THSD7A: variants seen among roughly 807,000 people sequenced by gnomAD.
THSD7A encodes the protein thrombospondin type-1 domain-containing protein 7A.
In THSD7A, 96 loss-of-function variants were observed where a neutral mutation model predicts 231.3. The observed-to-expected ratio is 0.41, with a 90% CI of 0.35 to 0.49. THSD7A has a LOEUF of 0.49. Among genes scored for constraint, THSD7A ranks in the 20% least tolerant of loss-of-function variants. The probability of loss-of-function intolerance (pLI) is 0.05; values close to 1 mark genes in which losing one functional copy is unlikely to be tolerated. For synonymous variants in THSD7A, 940 were observed against 743.3 expected, an observed-to-expected ratio of 1.26 and a Z score of -4.30; for missense variants, 2,290 against 2,070.2, an observed-to-expected ratio of 1.11 and a Z score of -2.06.
chr7:11,616,150 T>C (rs1781096462), intron 2 of THSD7A, among the ~76,000 whole-genome samples: 2 of 152,194 alleles, frequency 1.3e-5, no homozygotes, highest in Admixed American at 1.3e-4. Flanking sequence ...TTCTAATCCC[T>C]TAATTTTTAT....
At chr7:11,554,435 T>C (rs919410923) in intron 4 of THSD7A, among the ~76,000 whole-genome samples, 10 of 152,092 alleles carry the variant, frequency 6.6e-5, no homozygotes, top group African/African-American at 2.4e-4. Flanking sequence ...AAGTATAATG[T>C]TAGCTATAGG....
In THSD7A at chr7:11,407,349, A is replaced by G. The variant is rs182392880; in HGVS notation, c.3873T>C (p.Asp1291=). ...GAGAACATTCTGACCAAGGAGACCAATCAGAAAGCTGACAGTTCACAGGGC... is the reference window on the plus strand; with the variant it reads ...GAGAACATTCTGACCAAGGAGACCAGTCAGAAAGCTGACAGTTCACAGGGC... ...VECPVNCQLS[D]WSPWSECSQT... Residue 1291 remains aspartate (D), a synonymous_variant, in exon 20 of 28, where the codon GAT becomes GAC. Transcript: ENST00000423059. 6.8e-5 allele frequency: 109 copies of G among 1,613,726 alleles called. No homozygotes were observed. The highest frequency in any genetic ancestry group is 1.3e-4 in the East Asian group (6 of 44,854).
At chr7:11,440,100 CT>C (rs1784756359) in intron 13 of THSD7A, among the ~76,000 whole-genome samples, 1 of 151,910 alleles carries the variant, frequency 6.6e-6, no homozygotes. Flanking sequence ...TACTAGAGCC[CT>C]TAAGAATCAA....
intron 4 of THSD7A, among the ~76,000 whole-genome samples, chr7:11,562,251 A>T (rs546251681): frequency 2.6e-5 from 4 of 151,342 alleles, no homozygotes; most frequent in African/African-American, 9.7e-5. Context: ...GTACATTTTT[A>T]AAATTTTTCT....
At chr7:11,546,423 A>G (rs54) in intron 4 of THSD7A, among the ~76,000 whole-genome samples, 117,277 of 152,092 alleles carry the variant, frequency 0.77, 45,946 homozygotes, top group African/African-American at 0.9. Context: ...ACAAAGCCAT[A>G]GGCCTGGTCC....
At chr7:11,698,142 G>A (rs931609700) in intron 1 of THSD7A, among the ~76,000 whole-genome samples, 3 of 151,318 alleles carry the variant, frequency 2.0e-5, no homozygotes, top group African/African-American at 4.8e-5. Context: ...TTGAATGTAT[G>A]TATGTATCTA....
intron 7 of THSD7A, among the ~76,000 whole-genome samples, chr7:11,476,837 ATAGTGT>A (rs531682144): frequency 0.079 from 8,986 of 114,252 alleles, 374 homozygotes; most frequent in Non-Finnish European, 0.12. Flanking sequence ...AAAAAAAAAG[ATAGTGT>A]AGAAAGCGAT....
In THSD7A at chr7:11,406,707, G is replaced by C. The variant is rs890122464; in HGVS notation, c.4062+203C>G. Among the ~76,000 whole-genome samples, 1 of 152,118 alleles carries C rather than the reference G, an allele frequency of 6.6e-6. No homozygotes were observed. The highest frequency in any genetic ancestry group is 1.5e-5 in the Non-Finnish European group (1 of 68,006). The stretch of plus-strand genomic sequence containing the variant: ...CATTAAAATGAATCAGTCTCCAAAT[G>C]ATTTTAAAAATATAGGGCATGGAGT... On this transcript the variant is annotated intron_variant, in intron 21 of 27. Coordinates refer to ENST00000423059, the MANE Select transcript of THSD7A (RefSeq NM_015204.3). This position sits in a 1 kb window ranked among gnomAD's most constrained non-coding sequence, Gnocchi z 4.7.
chr7:11,555,863 G>C lies in THSD7A; in HGVS notation c.1454-12746C>G, dbSNP rs555380566. 4.3e-4 allele frequency among the ~76,000 whole-genome samples: 65 copies of C among 151,328 alleles called. 1 individual carries two copies. In the South Asian group the frequency reaches 0.013, roughly 30 times the overall value. The stretch of plus-strand genomic sequence containing the variant: ...TGTCTCTGGTAATTTTCTTTGCTTT[G>C]ATGCCTAATTTATTCGATGTTATCA... On this transcript the variant is annotated intron_variant, in intron 4 of 27. Coordinates refer to ENST00000423059, the MANE Select transcript of THSD7A (RefSeq NM_015204.3).
At chr7:11,785,577 A>G (rs111489676) in intron 1 of THSD7A, among the ~76,000 whole-genome samples, 2,220 of 152,156 alleles carry the variant, frequency 0.015, 49 homozygotes, top group African/African-American at 0.05. Flanking sequence ...CCTGCTGTTA[A>G]TCCTTATTGT....
At chr7:11,758,126 A>T (rs1216784521) in intron 1 of THSD7A, among the ~76,000 whole-genome samples, 1 of 151,470 alleles carries the variant, frequency 6.6e-6, no homozygotes, top group Non-Finnish European at 1.5e-5. Context: ...GTGATTGAGT[A>T]AAAACGAAAA....
At chr7:11,543,833 C>T (rs1789256125) in intron 4 of THSD7A, among the ~76,000 whole-genome samples, 1 of 151,894 alleles carries the variant, frequency 6.6e-6, no homozygotes, top group South Asian at 2.1e-4. Flanking sequence ...TTTATGCCTG[C>T]AGTTTGGCTC....
At chr7:11,496,150 A>C (rs1787089385) in intron 6 of THSD7A, among the ~76,000 whole-genome samples, 1 of 152,164 alleles carries the variant, frequency 6.6e-6, no homozygotes, top group Non-Finnish European at 1.5e-5. Flanking sequence ...TTTATTGTGC[A>C]ATGTTATGTG....
At chr7:11,389,026 T>C (rs1281050900) in intron 23 of THSD7A, among the ~76,000 whole-genome samples, 1 of 152,300 alleles carries the variant, frequency 6.6e-6, no homozygotes, top group African/African-American at 2.4e-5. Context: ...CTTCCAATTA[T>C]GTGGTCACTA....
chr7:11,524,923 T>C (rs1788411078), intron 6 of THSD7A, among the ~76,000 whole-genome samples: 1 of 152,248 alleles, frequency 6.6e-6, no homozygotes, highest in African/African-American at 2.4e-5. Context: ...TATATAATTA[T>C]GGGATCATTT....
chr7:11,717,222 G>A (rs1180877644), intron 1 of THSD7A, among the ~76,000 whole-genome samples: 2 of 151,696 alleles, frequency 1.3e-5, no homozygotes, highest in Admixed American at 1.3e-4. Flanking sequence ...GTCTCAGGCA[G>A]AGGTGGGTGT....
intron 4 of THSD7A, among the ~76,000 whole-genome samples, chr7:11,584,929 A>G (rs1029276717): frequency 2.0e-5 from 3 of 152,180 alleles, no homozygotes; most frequent in Admixed American, 1.3e-4. Context: ...GTGGGGGTGG[A>G]TATTTGAAAT....
chr7:11,549,995 G>C (rs537770145), intron 4 of THSD7A, among the ~76,000 whole-genome samples: 1 of 152,004 alleles, frequency 6.6e-6, no homozygotes, highest in African/African-American at 2.4e-5. Flanking sequence ...AGTGAAATCA[G>C]GCAAGAGAAA....
chr7:11,522,372 T>A (rs1428225593), intron 6 of THSD7A, among the ~76,000 whole-genome samples: 2 of 152,214 alleles, frequency 1.3e-5, no homozygotes, highest in Non-Finnish European at 2.9e-5. Flanking sequence ...TAACTTAAAA[T>A]GTTCTTTGGG....
Sources: allele counts gnomAD v4.1 joint callset (sites outside exome capture counted in the v4.1 genomes callset), GRCh38; gene constraint gnomAD v4.1.1; non-coding constraint Gnocchi (gnomAD v3.1); transcripts MANE v1.5; gene names NCBI Gene and HGNC (gene_info 2026-07-23, HGNC 2026-07-21).